Variants in COX10 observed in about 807,000 individuals in gnomAD.
COX10 encodes protoheme IX farnesyltransferase, mitochondrial.
A neutral mutation model predicts 37.3 loss-of-function variants in COX10; 27 were observed. That is an observed-to-expected ratio of 0.72 (90% CI 0.53 to 1.00). The LOEUF (loss-of-function observed/expected upper bound fraction) is 1.00, where lower values mean the gene tolerates loss of function less well. COX10 is among the 50% of genes least tolerant of loss of function. The pLI is 0.00. For missense variants in COX10, 475 were observed against 563.2 expected, an observed-to-expected ratio of 0.84 and a Z score of 1.59; for synonymous variants, 222 against 229.1, an observed-to-expected ratio of 0.97 and a Z score of 0.28.
chr17:14,152,733 T>C (rs1904940120), intron 4 of COX10, among the ~76,000 whole-genome samples: 3 of 152,206 alleles, frequency 2.0e-5, no homozygotes, highest in Admixed American at 6.5e-5. Flanking sequence ...TCTCTTGTCC[T>C]TGCCACTTCT....
intron 5 of COX10, among the ~76,000 whole-genome samples, chr17:14,188,302 A>G (rs980133461): frequency 1.3e-5 from 2 of 151,010 alleles, no homozygotes; most frequent in African/African-American, 4.8e-5. Context: ...TTAGCCATCT[A>G]AAGTTTCCTT....
At chr17:14,129,423 C>T (rs896688438) in intron 4 of COX10, among the ~76,000 whole-genome samples, 1 of 152,088 alleles carries the variant, frequency 6.6e-6, no homozygotes, top group African/African-American at 2.4e-5. Flanking sequence ...CTCAGTTTGT[C>T]CTCCCTAAAC....
intron 4 of COX10, among the ~76,000 whole-genome samples, chr17:14,152,235 G>A (rs1904924951): frequency 1.3e-5 from 2 of 152,280 alleles, no homozygotes; most frequent in East Asian, 1.9e-4. Context: ...ACAAAAGGAA[G>A]AGGTTTAATT....
chr17:14,133,781 G>T (rs555839565), intron 4 of COX10, among the ~76,000 whole-genome samples: 43 of 151,664 alleles, frequency 2.8e-4, no homozygotes, highest in Non-Finnish European at 5.5e-4. Context: ...TATCATAATT[G>T]CAGATAAGAA....
intron 3 of COX10, among the ~76,000 whole-genome samples, chr17:14,092,111 TC>T (rs1372731828): frequency 6.6e-6 from 1 of 152,128 alleles, no homozygotes. Flanking sequence ...GCTCTTTGGT[TC>T]AAGGAAAAGC....
At chr17:14,156,487 C>T (rs536100899) in intron 4 of COX10, among the ~76,000 whole-genome samples, 1 of 152,326 alleles carries the variant, frequency 6.6e-6, no homozygotes, top group Admixed American at 6.5e-5. Flanking sequence ...CTTGGCCTCC[C>T]AAAGTGCTGG....
At chr17:14,117,901 G>A (rs1916148462) in intron 4 of COX10, among the ~76,000 whole-genome samples, 2 of 152,142 alleles carry the variant, frequency 1.3e-5, no homozygotes, top group Non-Finnish European at 2.9e-5. Context: ...TTATTGGGTG[G>A]TGGAGGTAGC....
rs1915453752 is a variant in COX10 at position 14,088,197 on chromosome 17, G to A, written c.499+11141G>A. ...CCATTCCTTATTAGTAGCTATTTAT[G>A]TAGTGTATTTTTTTGCTATTTAAAT... On this transcript the variant is annotated intron_variant, in intron 3 of 6. Coordinates refer to ENST00000261643, the MANE Select transcript of COX10 (RefSeq NM_001303.4). 2.6e-5 allele frequency among the ~76,000 whole-genome samples: 4 copies of A among 152,108 alleles called. No individual in the cohort carries two copies. In the South Asian group the frequency reaches 8.3e-4, roughly 31 times the overall value.
intron 5 of COX10, among the ~76,000 whole-genome samples, chr17:14,187,267 C>T (rs1906061892): frequency 6.6e-6 from 1 of 151,684 alleles, no homozygotes; most frequent in Non-Finnish European, 1.5e-5. Flanking sequence ...GAGCTGTGAA[C>T]AAAAGTCTAC....
intron 5 of COX10, among the ~76,000 whole-genome samples, chr17:14,191,716 C>A (rs1025016928): frequency 1.3e-5 from 2 of 152,196 alleles, no homozygotes; most frequent in African/African-American, 4.8e-5. Context: ...GGGACAGAAC[C>A]TATATGAATC....
In COX10 at chr17:14,176,448, A is replaced by C. The variant is rs551208081; in HGVS notation, c.696-15541A>C. 3.2e-4 allele frequency among the ~76,000 whole-genome samples: 48 copies of C among 152,314 alleles called. 1 individual carries two copies. The South Asian group carries it at 3.7e-3, about 12-fold the overall frequency. On this transcript the variant is annotated intron_variant, in intron 5 of 6. Coordinates refer to ENST00000261643, the MANE Select transcript of COX10 (RefSeq NM_001303.4). ...AATAGAGTAAACCCCGCAGGGAAAC[A>C]GAACCCCATAGAATTCTCCACCTCT...
chr17:14,116,289 T>C (rs1031846095), intron 4 of COX10, among the ~76,000 whole-genome samples: 1 of 152,126 alleles, frequency 6.6e-6, no homozygotes, highest in African/African-American at 2.4e-5. Context: ...AATTCCTAAG[T>C]TTAAGTTGCC....
intron 5 of COX10, among the ~76,000 whole-genome samples, chr17:14,180,162 A>G (rs1352346515): frequency 7.3e-5 from 11 of 151,548 alleles, no homozygotes; most frequent in Admixed American, 7.2e-4. Context: ...AGTCTAGCAG[A>G]CGGGTACCCA....
intron 6 of COX10, among the ~76,000 whole-genome samples, chr17:14,192,453 A>G (rs932958032): frequency 2.0e-5 from 3 of 149,050 alleles, no homozygotes; most frequent in Non-Finnish European, 2.9e-5. Context: ...TGTCTGGGAG[A>G]AAAAAAAGGA....
At chr17:14,175,778 G>T (rs1427743004) in intron 5 of COX10, among the ~76,000 whole-genome samples, 1 of 151,398 alleles carries the variant, frequency 6.6e-6, no homozygotes, top group Non-Finnish European at 1.5e-5. Context: ...TCCAGAGCGG[G>T]AAGGCACTGG....
At chr17:14,069,734 C>T (rs1914967926) in intron 1 of COX10, 86 bp downstream of exon 1, 1 of 1,555,942 alleles carries the variant, frequency 6.4e-7, no homozygotes, top group African/African-American at 1.4e-5. Context: ...TGGCTGCAAC[C>T]TTGGGGAGCC....
chr17:14,079,950 C>T (rs1915246805), intron 3 of COX10, among the ~76,000 whole-genome samples: 1 of 151,920 alleles, frequency 6.6e-6, no homozygotes, highest in Non-Finnish European at 1.5e-5. Context: ...ATATTCACTG[C>T]ATACTATTCC....
intron 6 of COX10, among the ~76,000 whole-genome samples, chr17:14,194,655 G>C (rs1484721377): frequency 1.3e-5 from 2 of 152,136 alleles, no homozygotes; most frequent in East Asian, 3.9e-4. Context: ...TCTATCTCTT[G>C]ACCTCGTGAT....
At chr17:14,125,730 C>T (rs1916329528) in intron 4 of COX10, among the ~76,000 whole-genome samples, 1 of 152,080 alleles carries the variant, frequency 6.6e-6, no homozygotes, top group Non-Finnish European at 1.5e-5. Context: ...CATGTCAATA[C>T]TTAAGTAGGG....
Sources: allele counts gnomAD v4.1 joint callset (sites outside exome capture counted in the v4.1 genomes callset), GRCh38; gene constraint gnomAD v4.1.1; transcripts MANE v1.5; gene names NCBI Gene and HGNC (gene_info 2026-07-23, HGNC 2026-07-21).